HS2ST1: variants seen among roughly 807,000 people sequenced by gnomAD.
HS2ST1 encodes 2-O-sulfotransferase.
A neutral mutation model predicts 42.9 loss-of-function variants in HS2ST1; 18 were observed. The ratio of observed to expected loss-of-function variants is 0.42; its 90% CI spans 0.29 to 0.62. The LOEUF (loss-of-function observed/expected upper bound fraction) is 0.62, where lower values mean the gene tolerates loss of function less well. Among genes scored for constraint, HS2ST1 ranks in the 20% least tolerant of loss-of-function variants. HS2ST1 has a pLI of 0.21. For missense variants in HS2ST1, 334 were observed against 433.8 expected (o/e 0.77, Z 2.04); for synonymous variants, 146 against 152.9 (o/e 0.95, Z 0.33).
At chr1:86,952,903 C>G (rs1055918352) in intron 1 of HS2ST1, among the ~76,000 whole-genome samples, 1 of 152,138 alleles carries the variant, frequency 6.6e-6, no homozygotes, top group African/African-American at 2.4e-5. Context: ...CACTAGCTTT[C>G]TTTAGTTCCT....
intron 2 of HS2ST1, among the ~76,000 whole-genome samples, chr1:87,079,274 A>G (rs1229408558): frequency 6.6e-6 from 1 of 151,962 alleles, no homozygotes; most frequent in East Asian, 1.9e-4. Context: ...TGTAGCTAGG[A>G]TTACAGGCAT....
chr1:87,066,585 A>G (rs540307305), intron 1 of HS2ST1, among the ~76,000 whole-genome samples: 1 of 151,966 alleles, frequency 6.6e-6, no homozygotes, highest in East Asian at 1.9e-4. Flanking sequence ...ATTTTTTTTT[A>G]TTATTATACT....
chr1:87,073,403 A>C (rs796197778), intron 2 of HS2ST1, among the ~76,000 whole-genome samples: 12 of 152,306 alleles, frequency 7.9e-5, no homozygotes, highest in African/African-American at 2.9e-4. Flanking sequence ...TGAATTAATG[A>C]ATAGCTTGAA....
chr1:87,042,698 A>G (rs1650551989), intron 1 of HS2ST1, among the ~76,000 whole-genome samples: 1 of 152,056 alleles, frequency 6.6e-6, no homozygotes, highest in Non-Finnish European at 1.5e-5. Flanking sequence ...AAGATCCTGT[A>G]TTATTTAGTG....
intron 5 of HS2ST1, among the ~76,000 whole-genome samples, chr1:87,101,385 C>G (rs1240652166): frequency 6.6e-6 from 1 of 151,682 alleles, no homozygotes. Context: ...AGGCTGGTCT[C>G]GAACTCCAGA....
chr1:87,097,712 C>CA (rs200159107), intron 4 of HS2ST1, 126 bp from the exon 5 acceptor site: 243 of 1,083,934 alleles, frequency 2.2e-4, no homozygotes, highest in East Asian at 5.7e-4. Context: ...TACATGACTC[C>CA]AAAAAAAATA....
chr1:87,036,780 C>T (rs1005069905), intron 1 of HS2ST1, among the ~76,000 whole-genome samples: 1 of 152,082 alleles, frequency 6.6e-6, no homozygotes, highest in Admixed American at 6.6e-5. Flanking sequence ...TTCTCATTTG[C>T]TGAATGAATG....
At chr1:86,954,843 A>T (rs1324167208) in intron 1 of HS2ST1, among the ~76,000 whole-genome samples, 1 of 152,234 alleles carries the variant, frequency 6.6e-6, no homozygotes, top group Non-Finnish European at 1.5e-5. Flanking sequence ...TAGGAACATT[A>T]GAGTACATAT....
chr1:86,947,437 G>GT (rs1209225503), intron 1 of HS2ST1, among the ~76,000 whole-genome samples: 25 of 152,134 alleles, frequency 1.6e-4, no homozygotes, highest in African/African-American at 5.1e-4. Flanking sequence ...TGTTGTTTGC[G>GT]TATTACTTGC....
chr1:87,006,028 T>A (rs144445849), intron 1 of HS2ST1, among the ~76,000 whole-genome samples: 4 of 152,270 alleles, frequency 2.6e-5, no homozygotes, highest in Non-Finnish European at 5.9e-5. Context: ...TTTCTAAATA[T>A]TAGGTAGAAT....
At chr1:87,045,920 T>C in intron 1 of HS2ST1, 1 of 700,984 alleles carries the variant, frequency 1.4e-6, no homozygotes, top group Non-Finnish European at 2.7e-6. Context: ...TTCTCCCACG[T>C]CGACCTGATT....
intron 1 of HS2ST1, among the ~76,000 whole-genome samples, chr1:87,069,209 C>T (rs929344237): frequency 1.3e-5 from 2 of 152,162 alleles, no homozygotes; most frequent in African/African-American, 2.4e-5. Flanking sequence ...AAAGAATCCA[C>T]GTATTGGACT....
intron 1 of HS2ST1, among the ~76,000 whole-genome samples, chr1:86,915,510 T>C (rs930261027): frequency 5.3e-5 from 8 of 152,134 alleles, no homozygotes; most frequent in Admixed American, 3.9e-4. Flanking sequence ...GCGCTTAGCA[T>C]CGCGTGTTCT....
At chr1:86,926,391 C>A (rs1417821504) in intron 1 of HS2ST1, among the ~76,000 whole-genome samples, 1 of 152,188 alleles carries the variant, frequency 6.6e-6, no homozygotes, top group African/African-American at 2.4e-5. Context: ...GATTCTCGCT[C>A]CTTAATTCAA....
At chr1:87,034,770 A>G (rs1442861640) in intron 1 of HS2ST1, among the ~76,000 whole-genome samples, 1 of 152,232 alleles carries the variant, frequency 6.6e-6, no homozygotes, top group Non-Finnish European at 1.5e-5. Context: ...AGAGCCAGAT[A>G]TGCCCATTGT....
At chr1:87,006,682 A>G (rs1649445222) in intron 1 of HS2ST1, among the ~76,000 whole-genome samples, 2 of 152,112 alleles carry the variant, frequency 1.3e-5, no homozygotes, top group South Asian at 4.1e-4. Context: ...TTGCCATGTA[A>G]AGGTAAATCA....
intron 1 of HS2ST1, chr1:86,993,252 AACTGAT>A: frequency 8.4e-7 from 1 of 1,195,946 alleles, no homozygotes; most frequent in Middle Eastern, 2.3e-4. Flanking sequence ...GAAATCTAAA[AACTGAT>A]AATAGGATTT....
At chr1:86,933,605 T>TCTCA (rs1480101258) in intron 1 of HS2ST1, among the ~76,000 whole-genome samples, 3 of 152,164 alleles carry the variant, frequency 2.0e-5, no homozygotes. Flanking sequence ...GTTACTAAAT[T>TCTCA]CTCACAGTGA....
At chr1:87,052,365 A>T (rs1650858456) in intron 1 of HS2ST1, among the ~76,000 whole-genome samples, 1 of 152,206 alleles carries the variant, frequency 6.6e-6, no homozygotes, top group Non-Finnish European at 1.5e-5. Flanking sequence ...TAGTTTAATC[A>T]GAATTTCTTC....
Sources: gnomAD v4.1 joint callset for allele counts (sites outside exome capture counted in the v4.1 genomes callset) on GRCh38, gnomAD v4.1.1 for gene constraint, MANE v1.5 for transcripts, NCBI Gene and HGNC (gene_info 2026-07-23, HGNC 2026-07-21) for gene names.